ADAMTS18: variants seen among roughly 807,000 people sequenced by gnomAD.
The protein encoded by ADAMTS18 is A disintegrin and metalloproteinase with thrombospondin motifs 18.
In ADAMTS18, 157 loss-of-function variants were observed where a neutral mutation model predicts 165.9. That is an observed-to-expected ratio of 0.95 (90% confidence interval 0.83 to 1.08). The LOEUF is 1.08. Among genes scored for constraint, ADAMTS18 ranks in the 50% least tolerant of loss-of-function variants. The pLI, the probability that ADAMTS18 is intolerant of heterozygous loss-of-function variation, is 0.00. For synonymous variants in ADAMTS18, 782 were observed against 578.2 expected (o/e 1.35, Z -5.06); for missense variants, 2,040 against 1,534.0 (o/e 1.33, Z -5.51).
intron 22 of ADAMTS18, among the ~76,000 whole-genome samples, chr16:77,286,334 A>T (rs1455299190): frequency 6.6e-6 from 1 of 151,946 alleles, no homozygotes; most frequent in African/African-American, 2.4e-5. Context: ...ACTTTCTGAC[A>T]CTGTGTGCTA....
intron 11 of ADAMTS18, among the ~76,000 whole-genome samples, chr16:77,341,420 T>C (rs565715156): frequency 6.6e-6 from 1 of 152,032 alleles, no homozygotes. Context: ...GAAAATGGTA[T>C]GCAATGAAAC....
At chr16:77,343,812 T>C (rs1010211191) in intron 10 of ADAMTS18, among the ~76,000 whole-genome samples, 7 of 152,180 alleles carry the variant, frequency 4.6e-5, no homozygotes, top group East Asian at 1.9e-4. Flanking sequence ...TTGTGAAACA[T>C]TGTGAAAGGT....
intron 10 of ADAMTS18, among the ~76,000 whole-genome samples, chr16:77,347,958 T>C (rs1178228948): frequency 6.6e-6 from 1 of 152,170 alleles, no homozygotes; most frequent in African/African-American, 2.4e-5. Context: ...GAAGTATTAA[T>C]ATGTATCGTG....
At position 77,306,084 on chromosome 16, in the gene ADAMTS18, C is replaced by G. The variant is rs139121865; in HGVS notation, c.2533-5680G>C. Among the ~76,000 whole-genome samples, 1,368 of 152,256 alleles carry G rather than the reference C, an allele frequency of 9.0e-3. 20 individuals carry two copies. Among genetic ancestry groups the G allele is most frequent in the African/African-American group, 0.031 (1,289 of 41,530 alleles). On this transcript the variant is annotated intron_variant, in intron 16 of 22. Coordinates refer to ENST00000282849, the MANE Select transcript of ADAMTS18 (RefSeq NM_199355.4). ...CGTGCCGCATGTCGGAGTGTATAGC[C>G]AAGCTGTTAAATGCACAAATTTGGA...
intron 22 of ADAMTS18, 145 bp from the exon 23 acceptor site, chr16:77,284,216 C>T: frequency 1.6e-6 from 1 of 621,332 alleles, no homozygotes; most frequent in South Asian, 1.7e-5. Context: ...ATCTCTGCTG[C>T]CCAGGTTCAA....
chr16:77,331,255 C>T (rs1034079572), intron 12 of ADAMTS18, among the ~76,000 whole-genome samples: 2 of 152,086 alleles, frequency 1.3e-5, no homozygotes, highest in Admixed American at 6.6e-5. Context: ...ATCATTCATG[C>T]ACTTTACCAG....
At chr16:77,292,823 G>A (rs2055389299) in intron 20 of ADAMTS18, among the ~76,000 whole-genome samples, 1 of 151,998 alleles carries the variant, frequency 6.6e-6, no homozygotes, top group Non-Finnish European at 1.5e-5. Context: ...ACCTCCAGCA[G>A]TGACTTTTTT....
intron 22 of ADAMTS18, among the ~76,000 whole-genome samples, chr16:77,284,366 G>A (rs1246693661): frequency 6.6e-6 from 1 of 152,084 alleles, no homozygotes; most frequent in Non-Finnish European, 1.5e-5. Context: ...GAGCTCAAGT[G>A]ATCTGCCTGC....
intron 10 of ADAMTS18, among the ~76,000 whole-genome samples, chr16:77,343,094 G>C (rs961459551): frequency 6.2e-5 from 9 of 146,064 alleles, no homozygotes; most frequent in African/African-American, 2.3e-4. Context: ...TTTTTTGAGA[G>C]TGAGTTTCAC....
At chr16:77,384,514 G>T (rs28624401) in intron 3 of ADAMTS18, among the ~76,000 whole-genome samples, 3,586 of 152,228 alleles carry the variant, frequency 0.024, 141 homozygotes, top group African/African-American at 0.083. Context: ...TCTCTAAGAG[G>T]ACAAAGTTAG....
At chr16:77,416,616 C>G (rs1469478987) in intron 3 of ADAMTS18, among the ~76,000 whole-genome samples, 1 of 152,146 alleles carries the variant, frequency 6.6e-6, no homozygotes, top group Non-Finnish European at 1.5e-5. Flanking sequence ...TGAGACCTCT[C>G]CAGGCATCTG....
At chr16:77,413,218 C>T (rs377434442) in intron 3 of ADAMTS18, among the ~76,000 whole-genome samples, 1 of 152,256 alleles carries the variant, frequency 6.6e-6, no homozygotes. Context: ...CTGACCTGCT[C>T]CTCATTTCAA....
intron 16 of ADAMTS18, among the ~76,000 whole-genome samples, chr16:77,305,378 C>A (rs1384233282): frequency 2.0e-5 from 3 of 152,150 alleles, no homozygotes; most frequent in Non-Finnish European, 4.4e-5. Context: ...TCAGAATTTT[C>A]TCAAATCAAA....
At chr16:77,381,613 C>T (rs954508195) in intron 3 of ADAMTS18, among the ~76,000 whole-genome samples, 2 of 151,970 alleles carry the variant, frequency 1.3e-5, no homozygotes, top group Non-Finnish European at 2.9e-5. Context: ...ACCAGCCTGA[C>T]CAACATGGTG....
At position 77,367,657 on chromosome 16, in the gene ADAMTS18, C is replaced by A; in HGVS notation, c.562G>T (p.Glu188Ter). 6.2e-7 allele frequency: 1 copy of A among 1,614,128 alleles called. No homozygotes were observed. The highest frequency in any genetic ancestry group is 8.5e-7 in the Non-Finnish European group (1 of 1,180,012). The change falls in exon 4 of 23, where the codon GAA becomes TAA. Residue 188 changes from glutamate to a stop codon, truncating the protein, a stop_gained. Coordinates refer to ENST00000282849, the MANE Select transcript of ADAMTS18 (RefSeq NM_199355.4). LOFTEE classifies it high-confidence loss of function. ...CCCGCAGGGGAGCTGTAGTTGTGTT[C>A]CTGGGCCAGAAGCTGAGGTAATGGC... is the stretch of plus-strand genomic sequence containing the variant. The part of the protein sequence containing the change: ...ISPLPQLLAQ[E>*]HNYSSPAGHH...
chr16:77,384,695 C>A (rs140972579), intron 3 of ADAMTS18, among the ~76,000 whole-genome samples: 5 of 152,186 alleles, frequency 3.3e-5, no homozygotes, highest in African/African-American at 1.2e-4. Flanking sequence ...CTAATTTAAC[C>A]CTTTATATTC....
At chr16:77,400,545 A>C (rs1291668254) in intron 3 of ADAMTS18, among the ~76,000 whole-genome samples, 1 of 148,700 alleles carries the variant, frequency 6.7e-6, no homozygotes, top group Non-Finnish European at 1.5e-5. Flanking sequence ...GCAGTGGTGC[A>C]ATCTCAGCTC....
chr16:77,340,443 G>A (rs2056381214), intron 11 of ADAMTS18, among the ~76,000 whole-genome samples: 1 of 152,088 alleles, frequency 6.6e-6, no homozygotes, highest in African/African-American at 2.4e-5. Flanking sequence ...TCAAAGTGAT[G>A]GGATTACAGG....
At chr16:77,347,539 T>C (rs1469468304) in intron 10 of ADAMTS18, among the ~76,000 whole-genome samples, 2 of 152,210 alleles carry the variant, frequency 1.3e-5, no homozygotes, top group Non-Finnish European at 2.9e-5. Context: ...ATTTCTTTTA[T>C]ATATTCCTGA....
Sources: allele counts gnomAD v4.1 joint callset (sites outside exome capture counted in the v4.1 genomes callset), GRCh38; gene constraint gnomAD v4.1.1; transcripts MANE v1.5; gene names NCBI Gene and HGNC (gene_info 2026-07-23, HGNC 2026-07-21).